GRIN2A: variants seen among roughly 807,000 people sequenced by gnomAD.
GRIN2A encodes glutamate ionotropic receptor NMDA type subunit 2A.
A neutral mutation model predicts 113.4 loss-of-function variants in GRIN2A; 22 were observed. The observed-to-expected ratio is 0.19, with a 90% confidence interval of 0.14 to 0.28. The LOEUF (loss-of-function observed/expected upper bound fraction) is 0.28. Ranked by LOEUF, GRIN2A falls within the 10% of genes least tolerant of loss-of-function variation. The pLI is 1.00. For synonymous variants in GRIN2A, 827 were observed against 738.4 expected, an observed-to-expected ratio of 1.12 and a Z score of -1.94; for missense variants, 1,502 against 1,887.0, an observed-to-expected ratio of 0.80 and a Z score of 3.78.
At chr16:10,124,472 A>G (rs1237773616) in intron 2 of GRIN2A, among the ~76,000 whole-genome samples, 2 of 138,322 alleles carry the variant, frequency 1.4e-5, no homozygotes, top group Non-Finnish European at 3.3e-5. Context: ...CTTAGCCTTG[A>G]TAACTCTTTG....
intron 2 of GRIN2A, among the ~76,000 whole-genome samples, chr16:10,077,707 C>T (rs559200238): frequency 6.6e-6 from 1 of 152,350 alleles, no homozygotes; most frequent in African/African-American, 2.4e-5. Context: ...CCCAAGCCAG[C>T]TTGGCCTCTT....
chr16:9,988,859 C>A (rs1272144412), intron 2 of GRIN2A, among the ~76,000 whole-genome samples: 1 of 152,080 alleles, frequency 6.6e-6, no homozygotes, highest in Non-Finnish European at 1.5e-5. Context: ...GCCCAAGATC[C>A]CCCAGAACAG....
chr16:10,116,437 T>C (rs924414812), intron 2 of GRIN2A, among the ~76,000 whole-genome samples: 1 of 152,226 alleles, frequency 6.6e-6, no homozygotes, highest in Non-Finnish European at 1.5e-5. Flanking sequence ...AACAAACCTA[T>C]GTTCTGTACA....
chr16:9,902,971 G>C (rs1320547298), intron 3 of GRIN2A, among the ~76,000 whole-genome samples: 2 of 78,724 alleles, frequency 2.5e-5, no homozygotes, highest in Non-Finnish European at 5.3e-5. Context: ...GCGGGGGGGT[G>C]GGGGGGTGGG....
chr16:9,949,620 G>T (rs2045124278), intron 2 of GRIN2A, among the ~76,000 whole-genome samples: 1 of 151,152 alleles, frequency 6.6e-6, no homozygotes, highest in Non-Finnish European at 1.5e-5. Context: ...AGACGGGTGG[G>T]TGGATGGATG....
At chr16:10,172,204 C>A (rs530948368) in intron 2 of GRIN2A, among the ~76,000 whole-genome samples, 7 of 152,322 alleles carry the variant, frequency 4.6e-5, no homozygotes, top group Middle Eastern at 3.4e-3. Flanking sequence ...TCTAAGGTCA[C>A]ACAGGTATTT....
intron 2 of GRIN2A, among the ~76,000 whole-genome samples, chr16:10,036,520 G>C (rs1306295183): frequency 7.5e-6 from 1 of 132,906 alleles, no homozygotes; most frequent in South Asian, 2.5e-4. Flanking sequence ...GTGCAGTGGC[G>C]CAATCTCGGC....
chr16:9,883,447 A>C (rs1259442609), intron 4 of GRIN2A, among the ~76,000 whole-genome samples: 1 of 152,200 alleles, frequency 6.6e-6, no homozygotes, highest in Non-Finnish European at 1.5e-5. Context: ...ATTAGTATAC[A>C]GGTCTGCAGG....
chr16:9,923,370 T>G (rs929061665), intron 3 of GRIN2A, among the ~76,000 whole-genome samples: 3 of 152,196 alleles, frequency 2.0e-5, no homozygotes, highest in African/African-American at 7.2e-5. Flanking sequence ...TATGGGCACC[T>G]TAGAGTTGGT....
chr16:9,980,605 A>C (rs1425843047), intron 2 of GRIN2A, among the ~76,000 whole-genome samples: 1 of 152,138 alleles, frequency 6.6e-6, no homozygotes. Flanking sequence ...CAACAATGAT[A>C]GACTAGATTA....
intron 4 of GRIN2A, among the ~76,000 whole-genome samples, chr16:9,869,113 T>C (rs944691830): frequency 9.9e-5 from 15 of 152,200 alleles, no homozygotes; most frequent in Non-Finnish European, 1.9e-4. Flanking sequence ...CAGGGCTGCT[T>C]ACATAATAGA....
At chr16:9,894,268 G>C (rs2043758852) in intron 3 of GRIN2A, among the ~76,000 whole-genome samples, 3 of 152,168 alleles carry the variant, frequency 2.0e-5, no homozygotes, top group African/African-American at 7.2e-5. Context: ...GATCATAATG[G>C]ACACACTGAA....
intron 10 of GRIN2A, among the ~76,000 whole-genome samples, chr16:9,820,062 T>C (rs2042252761): frequency 1.3e-5 from 2 of 151,812 alleles, no homozygotes; most frequent in South Asian, 4.2e-4. Flanking sequence ...TTTTCTAAGA[T>C]GGATGTTATA....
chr16:10,174,222 G>C lies in GRIN2A; in HGVS notation c.414+5776C>G, dbSNP rs150891041. On this transcript the variant is annotated intron_variant, in intron 2 of 12. Coordinates refer to ENST00000330684, the MANE Select transcript of GRIN2A (RefSeq NM_001134407.3). ...GGAACATCTGCACCATCCACCATTA[G>C]TCACAGCCAAAAAGCAGGACCCTAT... 2.4e-3 allele frequency among the ~76,000 whole-genome samples: 360 copies of C among 152,266 alleles called. 1 individual carries two copies. The highest frequency in any genetic ancestry group is 8.0e-3 in the African/African-American group (332 of 41,552).
intron 2 of GRIN2A, among the ~76,000 whole-genome samples, chr16:9,959,783 G>A (rs957767919): frequency 1.3e-5 from 2 of 152,208 alleles, no homozygotes; most frequent in African/African-American, 4.8e-5. Flanking sequence ...AGACCAGCCT[G>A]GCCAACATGG....
chr16:9,927,457 C>G (rs1209699432), intron 3 of GRIN2A, among the ~76,000 whole-genome samples: 1 of 152,194 alleles, frequency 6.6e-6, no homozygotes, highest in Admixed American at 6.5e-5. Flanking sequence ...AAAAATCACA[C>G]TGCCCAAAAA....
rs114377597 is a variant in GRIN2A at position 10,078,662 on chromosome 16, G to A, written c.414+101336C>T. The stretch of plus-strand genomic sequence containing the variant: ...GCCCTCGGTTGCTACTGCCCTGCGA[G>A]GCAACCTCGAGGCTGGGAATCTCCT... On this transcript the variant is annotated intron_variant, in intron 2 of 12. Transcript: ENST00000330684. Among the ~76,000 whole-genome samples, 1,218 of 152,276 alleles carry A rather than the reference G, an allele frequency of 8.0e-3. 24 individuals carry two copies. The highest frequency in any genetic ancestry group is 0.028 in the African/African-American group (1,166 of 41,558).
In GRIN2A at chr16:9,938,363, C is replaced by G. The variant is rs1235477869; in HGVS notation, c.603G>C (p.Gln201His). The G allele has an allele frequency of 1.2e-6, 2 of 1,614,030 alleles. No individual in the cohort carries two copies. The highest frequency in any genetic ancestry group is 1.3e-5 in the African/African-American group (1 of 74,934). The change falls in exon 3 of 13, where the codon CAG becomes CAC. Residue 201 changes from glutamine (Q) to histidine (H), a missense_variant. Physicochemically the swap from Gln to His is conservative, Grantham distance 24 (BLOSUM62 0). This residue lies in a region of GRIN2A where 334 missense variants were observed against 403.0 expected (regional missense o/e 0.83). Transcript: ENST00000330684. ...AGGAAGTGTCCAGTGTGATCACATT[C>G]TGCATGTCCCAGCCCACAAAGCTGT... ...VDNSFVGWDM[Q>H]NVITLDTSFE... is the part of the protein sequence containing the mutation.
chr16:9,858,077 A>G (rs914858017), intron 4 of GRIN2A, among the ~76,000 whole-genome samples: 2 of 152,232 alleles, frequency 1.3e-5, no homozygotes, highest in African/African-American at 4.8e-5. Flanking sequence ...GCAAATCAGT[A>G]CACTGACTGG....
Sources: gnomAD v4.1 joint callset for allele counts (sites outside exome capture counted in the v4.1 genomes callset) on GRCh38, gnomAD v4.1.1 for gene constraint, gnomAD v4.1.1 regional missense constraint, MANE v1.5 for transcripts, NCBI Gene and HGNC (gene_info 2026-07-23, HGNC 2026-07-21) for gene names.